The following TRAK2 variants were observed in gnomAD, a reference collection of about 807,000 sequenced individuals.
The protein encoded by TRAK2 is trafficking kinesin-binding protein 2.
TRAK2 carries 81 observed loss-of-function variants against 104.6 expected under a neutral mutation model. The observed-to-expected ratio is 0.77, with a 90% CI of 0.65 to 0.93. The LOEUF is 0.93. Ranked by LOEUF, TRAK2 falls within the 40% of genes least tolerant of loss-of-function variation. The probability of loss-of-function intolerance (pLI) is 0.00; values close to 1 mark genes in which losing one functional copy is unlikely to be tolerated. For synonymous variants in TRAK2, 406 were observed against 394.4 expected, an observed-to-expected ratio of 1.03 and a Z score of -0.35; for missense variants, 1,002 against 1,089.0, an observed-to-expected ratio of 0.92 and a Z score of 1.12.
At chr2:201,422,548 T>G (rs1228395428) in intron 1 of TRAK2, among the ~76,000 whole-genome samples, 1 of 152,020 alleles carries the variant, frequency 6.6e-6, no homozygotes, top group Admixed American at 6.6e-5. Flanking sequence ...ACAAAGTAAA[T>G]AAAGGAGACT....
chr2:201,395,731 C>A (rs939113472), intron 7 of TRAK2, among the ~76,000 whole-genome samples: 1 of 151,986 alleles, frequency 6.6e-6, no homozygotes. Context: ...TTTATGAAAA[C>A]GATATTTGCT....
chr2:201,416,253 A>C (rs530906060), intron 2 of TRAK2, among the ~76,000 whole-genome samples: 134 of 150,486 alleles, frequency 8.9e-4, no homozygotes, highest in Middle Eastern at 3.4e-3. Context: ...AAAAGGAAGA[A>C]GAAAAAATTA....
rs773064404 is a variant in TRAK2, at chr2:201,401,101, T to C, written c.287-7A>G. 1.6e-5 allele frequency: 25 copies of C among 1,590,380 alleles called. No individual in the cohort carries two copies. The highest frequency in any genetic ancestry group is 6.9e-5 in the South Asian group (6 of 86,980). On this transcript the variant is annotated splice_polypyrimidine_tract_variant and splice_region_variant and intron_variant, in intron 3 of 15. Coordinates refer to ENST00000332624, the MANE Select transcript of TRAK2 (RefSeq NM_015049.3). ...ACCCTGTCTGTGCCTAGAACTAATATAGTTAAAAACAACTATTTATAGGCT... is the reference window on the plus strand; with the variant it reads ...ACCCTGTCTGTGCCTAGAACTAATACAGTTAAAAACAACTATTTATAGGCT...
At chr2:201,437,819 AC>A (rs1048035608) in intron 1 of TRAK2, among the ~76,000 whole-genome samples, 74 of 152,274 alleles carry the variant, frequency 4.9e-4, no homozygotes, top group African/African-American at 1.8e-3. Context: ...CTCTCAGCAT[AC>A]CGGTCCTTAT....
intron 1 of TRAK2, among the ~76,000 whole-genome samples, chr2:201,445,912 A>G (rs1030855374): frequency 1.3e-5 from 2 of 152,252 alleles, no homozygotes; most frequent in Admixed American, 1.3e-4. Context: ...AGAGACAAAA[A>G]TAATTAGAAA....
chr2:201,400,010 C>T (rs1418312551), intron 4 of TRAK2, among the ~76,000 whole-genome samples: 1 of 152,008 alleles, frequency 6.6e-6, no homozygotes, highest in East Asian at 1.9e-4. Context: ...GGAAGTGCAG[C>T]CAAGAGCTCT....
intron 2 of TRAK2, among the ~76,000 whole-genome samples, chr2:201,418,503 T>G (rs1951712539): frequency 6.6e-6 from 1 of 152,188 alleles, no homozygotes; most frequent in South Asian, 2.1e-4. Context: ...GTTGGAGAAT[T>G]TATATTATCT....
At position 201,387,939 on chromosome 2, in the gene TRAK2, T is replaced by C; in HGVS notation, c.1460A>G (p.His487Arg). 6.2e-7 allele frequency: 1 copy of C among 1,614,210 alleles called. No individual in the cohort carries two copies. Among genetic ancestry groups the C allele is most frequent in the Non-Finnish European group, 8.5e-7 (1 of 1,180,044 alleles). ...GTTTTGTCGACGCAAGCTAAGGCGA[T>C]GCAGTGCTGTAGCCAAATCACTATC... Reference protein sequence around the residue: ...SGDSDLATALHRLSLRRQNYL... With the variant: ...SGDSDLATALRRLSLRRQNYL... The change falls in exon 13 of 16, where the codon CAT becomes CGT. Residue 487 changes from histidine (H) to arginine (R), a missense_variant. His to Arg is a conservative substitution (Grantham distance 29, BLOSUM62 0). Transcript: ENST00000332624.
In TRAK2 at chr2:201,380,915, G is replaced by A; in HGVS notation, c.2373C>T (p.Pro791=). ...PSHSPCPSPL[P]FEPRVHLSEN... ...CAGAGAGATGCACTCGAGGCTCAAA[G>A]GGTAAAGGAGAAGGGCAAGGTGAGT... The change falls in exon 16 of 16, where the codon CCC becomes CCT. Residue 791 remains proline (P), a synonymous_variant. Transcript: ENST00000332624. 1 of 1,614,122 alleles carries A rather than the reference G, an allele frequency of 6.2e-7. No individual in the cohort carries two copies. The highest frequency in any genetic ancestry group is 8.5e-7 in the Non-Finnish European group (1 of 1,179,994).
At chr2:201,436,140 C>T (rs967760969) in intron 1 of TRAK2, among the ~76,000 whole-genome samples, 8 of 151,296 alleles carry the variant, frequency 5.3e-5, no homozygotes, top group Admixed American at 1.3e-4. Flanking sequence ...ACTAAAGTAA[C>T]GATTAAAAAA....
At chr2:201,422,000 G>C (rs930278459) in intron 1 of TRAK2, among the ~76,000 whole-genome samples, 4 of 143,752 alleles carry the variant, frequency 2.8e-5, no homozygotes, top group Non-Finnish European at 4.5e-5. Flanking sequence ...AGTGAGCTGA[G>C]ATTGCGCCAA....
chr2:201,380,777 C>A lies in TRAK2; in HGVS notation c.2511G>T (p.Arg837Ser), dbSNP rs1188853457. 1 of 1,614,146 alleles carries A rather than the reference C, an allele frequency of 6.2e-7. No homozygotes were observed. The highest frequency in any genetic ancestry group is 1.7e-5 in the Admixed American group (1 of 60,006). Residue 837 changes from arginine (R) to serine (S), a missense_variant, in exon 16 of 16, where the codon AGG becomes AGT. Physicochemically the swap from Arg to Ser is moderately radical, Grantham distance 110. Coordinates refer to ENST00000332624, the MANE Select transcript of TRAK2 (RefSeq NM_015049.3). ...VGQLKMNLVD[R>S]LKRLGIARVV... is the part of the protein sequence containing the mutation. ...CTCTGGCTATCCCCAGTCTCTTCAGCCTGTCCACTAAGTTCATCTTCAACT... is the reference window on the plus strand; with the variant it reads ...CTCTGGCTATCCCCAGTCTCTTCAGACTGTCCACTAAGTTCATCTTCAACT...
intron 2 of TRAK2, among the ~76,000 whole-genome samples, chr2:201,413,475 A>T (rs913980492): frequency 6.6e-6 from 1 of 152,016 alleles, no homozygotes; most frequent in African/African-American, 2.4e-5. Flanking sequence ...TTGGGGACGA[A>T]GACTAAGGGA....
At chr2:201,397,016 A>G (rs1951508650) in intron 7 of TRAK2, among the ~76,000 whole-genome samples, 1 of 152,214 alleles carries the variant, frequency 6.6e-6, no homozygotes, top group South Asian at 2.1e-4. Context: ...CAGTGAAGCC[A>G]ATCTTTTTCC....
At chr2:201,384,261 A>C in intron 14 of TRAK2, 45 bp from the exon 15 acceptor site, 1 of 1,336,398 alleles carries the variant, frequency 7.5e-7, no homozygotes, top group Non-Finnish European at 1.1e-6. Context: ...GAAAGTCTAG[A>C]TTAATAATGT....
In TRAK2 at chr2:201,413,322, G is replaced by C. The variant is rs1951664257; in HGVS notation, c.92-5725C>G. 3.5e-6 allele frequency: 4 copies of C among 1,152,360 alleles called. No individual in the cohort carries two copies. The South Asian group carries it at 5.9e-5, about 17-fold the overall frequency. 71.4% of individuals were successfully genotyped at this position (1,152,360 alleles called of 1,614,324 possible). A position where few individuals can be genotyped will look rare whatever the true frequency, so the allele number is the denominator to read the frequency against. On this transcript the variant is annotated intron_variant, in intron 2 of 15. Coordinates refer to ENST00000332624, the MANE Select transcript of TRAK2 (RefSeq NM_015049.3). ...CATGGACTCCATGGCTGCAATATTG[G>C]GTAGTTATAGTTACCTTTTCCCTCT...
intron 2 of TRAK2, chr2:201,413,015 C>A: frequency 1.3e-6 from 1 of 777,932 alleles, no homozygotes; most frequent in Non-Finnish European, 2.4e-6. Flanking sequence ...AGTAAGAAGT[C>A]GAGGGTGTTG....
At chr2:201,397,760 T>A (rs1951515037) in intron 6 of TRAK2, 180 bp from the exon 7 acceptor site, 2 of 566,682 alleles carry the variant, frequency 3.5e-6, no homozygotes, top group Non-Finnish European at 3.1e-6. Context: ...GATCCTTGCT[T>A]AAGTAGGACT....
At chr2:201,445,244 A>G (rs1951956116) in intron 1 of TRAK2, among the ~76,000 whole-genome samples, 1 of 152,236 alleles carries the variant, frequency 6.6e-6, no homozygotes, top group Non-Finnish European at 1.5e-5. Context: ...ATATATAAAT[A>G]TTAAGCAGCC....
Sources: gnomAD v4.1 joint callset for allele counts (sites outside exome capture counted in the v4.1 genomes callset) on GRCh38, gnomAD v4.1.1 for gene constraint, MANE v1.5 for transcripts, NCBI Gene and HGNC (gene_info 2026-07-23, HGNC 2026-07-21) for gene names.